TSGA10: variants seen among roughly 807,000 people sequenced by gnomAD.
TSGA10 encodes the protein testis-specific gene 10 protein.
Under a neutral mutation model 96.6 loss-of-function variants are expected in TSGA10, and 43 were observed. That is an observed-to-expected ratio of 0.44 (90% CI 0.35 to 0.57). The LOEUF is 0.57. TSGA10 is among the 20% of genes least tolerant of loss of function. The pLI, the probability that TSGA10 is intolerant of heterozygous loss-of-function variation, is 0.01. For synonymous variants in TSGA10, 229 were observed against 269.9 expected (o/e 0.85, Z 1.48); for missense variants, 703 against 834.4 (o/e 0.84, Z 1.94).
At chr2:99,150,876 T>A in intron 1 of TSGA10, 1 of 1,322,678 alleles carries the variant, frequency 7.6e-7, no homozygotes, top group Non-Finnish European at 1.0e-6. Flanking sequence ...AAACTGCCTT[T>A]GACTAAGGGG....
chr2:99,074,029 T>TTTTTTTTTTG (rs1241657890), intron 12 of TSGA10, among the ~76,000 whole-genome samples: 2 of 136,844 alleles, frequency 1.5e-5, no homozygotes, highest in African/African-American at 5.7e-5. Context: ...TTTTTTTTTT[T>TTTTTTTTTTG]GAGATGGAGT....
At chr2:99,091,748 G>C (rs143753251) in intron 10 of TSGA10, among the ~76,000 whole-genome samples, 1,632 of 151,974 alleles carry the variant, frequency 0.011, 9 homozygotes, top group Middle Eastern at 0.027. Context: ...CCAACAGGAA[G>C]GTATCACAAT....
intron 1 of TSGA10, among the ~76,000 whole-genome samples, chr2:99,138,646 G>A (rs1012240279): frequency 4.6e-5 from 7 of 152,190 alleles, no homozygotes; most frequent in African/African-American, 1.7e-4. Context: ...CAACAAAGGT[G>A]GAAGACAACC....
At chr2:99,037,418 CA>C (rs948729864) in intron 16 of TSGA10, among the ~76,000 whole-genome samples, 1 of 151,456 alleles carries the variant, frequency 6.6e-6, no homozygotes, top group Non-Finnish European at 1.5e-5. Flanking sequence ...GAAGAAATCA[CA>C]AAAAAAATTT....
chr2:99,078,731 C>A lies in TSGA10; in HGVS notation c.810G>T (p.Lys270Asn), dbSNP rs761022497. 23 of 1,613,506 alleles carry A rather than the reference C, an allele frequency of 1.4e-5. No individual in the cohort carries two copies. The African/African-American group carries it at 2.9e-4, about 21-fold the overall frequency. The change falls in exon 12 of 21, where the codon AAG becomes AAT. Residue 270 changes from lysine to asparagine, a missense_variant. Physicochemically the swap from Lys to Asn is moderately conservative, Grantham distance 94. Coordinates refer to ENST00000393483, the MANE Select transcript of TSGA10 (RefSeq NM_025244.4). The stretch of plus-strand genomic sequence containing the variant: ...TATCCAAACATGCTTGCAGGCATTC[C>A]TTTTCTTTAGCCAGATCATTGAGGG... ...GGTLNDLAKE[K>N]ECLQACLDKK...
chr2:99,077,837 C>G (rs1240891632), intron 12 of TSGA10, among the ~76,000 whole-genome samples: 1 of 151,694 alleles, frequency 6.6e-6, no homozygotes, highest in African/African-American at 2.4e-5. Flanking sequence ...GCTGGGATTA[C>G]AGGCGTGAGC....
chr2:99,015,097 T>C (rs1425169619), intron 20 of TSGA10, among the ~76,000 whole-genome samples: 5 of 152,118 alleles, frequency 3.3e-5, no homozygotes, highest in Non-Finnish European at 5.9e-5. Flanking sequence ...AGAACACTAC[T>C]GCACAAGATA....
intron 11 of TSGA10, 129 bp downstream of exon 11, chr2:99,081,153 T>C (rs996358871): frequency 1.1e-5 from 5 of 437,228 alleles, no homozygotes; most frequent in Admixed American, 4.1e-5. Context: ...TTCTCTACTA[T>C]TTTTTATTCA....
intron 16 of TSGA10, among the ~76,000 whole-genome samples, chr2:99,058,713 C>A (rs577704379): frequency 6.6e-6 from 1 of 151,936 alleles, no homozygotes; most frequent in African/African-American, 2.4e-5. Context: ...CAAATCCTAG[C>A]GAAACAGAAA....
chr2:99,108,967 A>G lies in TSGA10; in HGVS notation c.76T>C (p.Leu26=), dbSNP rs2104840569. The change falls in exon 7 of 21, where the codon TTG becomes CTG. Residue 26 remains leucine (L), a synonymous_variant. Coordinates refer to ENST00000393483, the MANE Select transcript of TSGA10 (RefSeq NM_025244.4). ...TCACGATCTCTTGTTGTTGTCTTCAAAAGTTCTACATCACAGTTTGCACCC... is the reference window on the plus strand; with the variant it reads ...TCACGATCTCTTGTTGTTGTCTTCAGAAGTTCTACATCACAGTTTGCACCC... ...ARGANCDVEL[L]KTTTRDREEL... The G allele has an allele frequency of 5.0e-6, 8 of 1,592,640 alleles. No individual in the cohort carries two copies. The highest frequency in any genetic ancestry group is 1.4e-5 in the African/African-American group (1 of 73,576).
intron 1 of TSGA10, chr2:99,150,481 A>G (rs866118464): frequency 7.1e-7 from 1 of 1,417,196 alleles, no homozygotes. Context: ...TTTTTTTTTC[A>G]GTAATCAAGT....
chr2:99,105,717 C>T lies in TSGA10; in HGVS notation c.211-20G>A, dbSNP rs964161655. On this transcript the variant is annotated intron_variant, in intron 7 of 20. Coordinates refer to ENST00000393483, the MANE Select transcript of TSGA10 (RefSeq NM_025244.4). ...CTGTGCCTATTATTTAAATCATAGA[C>T]TTTGGTTGAACAAGCTTTAGAACAC... 1.9e-6 allele frequency: 3 copies of T among 1,574,962 alleles called. No individual in the cohort carries two copies. Among genetic ancestry groups the T allele is most frequent in the Middle Eastern group, 1.7e-4 (1 of 5,912 alleles).
Position 99,043,007 on chromosome 2 carries a change from T to G in TSGA10, c.1405-7568A>C, listed in dbSNP as rs1341582838. Among the ~76,000 whole-genome samples the G allele has an allele frequency of 2.0e-5, 3 of 152,182 alleles. No homozygotes were observed. In the East Asian group the frequency reaches 5.8e-4, roughly 29 times the overall value. On this transcript the variant is annotated intron_variant, in intron 16 of 20. Transcript: ENST00000393483. ...AGGCCACCATGCCTGGCCCCATTCT[T>G]TATTTTGTAAGATTGAGGAGAACAC...
chr2:99,071,760 A>C lies in TSGA10; in HGVS notation c.1053T>G (p.Ala351=). The change falls in exon 14 of 21, where the codon GCT becomes GCG. Residue 351 remains alanine, a synonymous_variant. Coordinates refer to ENST00000393483, the MANE Select transcript of TSGA10 (RefSeq NM_025244.4). ...AQIARERDIL[A]HDNDNLQEQF... is the part of the protein sequence containing the mutation. Reference sequence around the variant, plus strand: ...GTTCCTGGAGATTGTCATTGTCATGAGCCAAGATATCTCTTTCCCTGGCGA... The same window carrying C: ...GTTCCTGGAGATTGTCATTGTCATGCGCCAAGATATCTCTTTCCCTGGCGA... 1 of 1,613,968 alleles carries C rather than the reference A, an allele frequency of 6.2e-7. No individual in the cohort carries two copies. The highest frequency in any genetic ancestry group is 8.5e-7 in the Non-Finnish European group (1 of 1,179,890).
intron 1 of TSGA10, chr2:99,147,368 T>C: frequency 8.6e-7 from 1 of 1,157,704 alleles, no homozygotes. Context: ...GATTTATCTC[T>C]TTATGTACCT....
intron 10 of TSGA10, among the ~76,000 whole-genome samples, chr2:99,101,171 G>A (rs2104776377): frequency 7.4e-6 from 1 of 134,968 alleles, no homozygotes; most frequent in South Asian, 2.5e-4. Context: ...GTGAACCCGG[G>A]AAGGCGGAGC....
intron 10 of TSGA10, among the ~76,000 whole-genome samples, chr2:99,088,969 A>G (rs1420808470): frequency 6.6e-6 from 1 of 152,198 alleles, no homozygotes; most frequent in Non-Finnish European, 1.5e-5. Flanking sequence ...CTTTTGCTTC[A>G]AGAACTACAG....
intron 20 of TSGA10, among the ~76,000 whole-genome samples, chr2:99,003,930 A>C (rs1164107792): frequency 6.6e-6 from 1 of 152,084 alleles, no homozygotes; most frequent in Non-Finnish European, 1.5e-5. Context: ...AGCTAGCAGA[A>C]GACAAATAAC....
intron 17 of TSGA10, among the ~76,000 whole-genome samples, chr2:99,022,379 C>T (rs1384662004): frequency 2.0e-5 from 3 of 150,154 alleles, no homozygotes; most frequent in Admixed American, 2.0e-4. Flanking sequence ...TTCTCTGGCC[C>T]TAGGCAACCC....
Sources: allele counts gnomAD v4.1 joint callset (sites outside exome capture counted in the v4.1 genomes callset), GRCh38; gene constraint gnomAD v4.1.1; transcripts MANE v1.5; gene names NCBI Gene and HGNC (gene_info 2026-07-23, HGNC 2026-07-21).